KCNU1: variants seen among roughly 807,000 people sequenced by gnomAD.
The protein encoded by KCNU1 is potassium calcium-activated channel subfamily U member 1, also known as potassium channel subfamily U member 1.
In KCNU1, 93 loss-of-function variants were observed where a neutral mutation model predicts 126.8. The observed-to-expected ratio is 0.73, with a 90% CI of 0.62 to 0.87. KCNU1 has a LOEUF of 0.87. Ranked by LOEUF, KCNU1 falls within the 40% of genes least tolerant of loss-of-function variation. The pLI is 0.00. For synonymous variants in KCNU1, 523 were observed against 494.2 expected, an observed-to-expected ratio of 1.06 and a Z score of -0.77; for missense variants, 1,330 against 1,367.1, an observed-to-expected ratio of 0.97 and a Z score of 0.43.
chr8:36,902,132 A>G (rs1024075384), intron 19 of KCNU1, among the ~76,000 whole-genome samples: 3 of 152,146 alleles, frequency 2.0e-5, no homozygotes, highest in Non-Finnish European at 4.4e-5. Flanking sequence ...AGGACACCAG[A>G]TGGATGCCTT....
At chr8:36,896,717 A>G (rs1341656476) in intron 19 of KCNU1, among the ~76,000 whole-genome samples, 1 of 152,000 alleles carries the variant, frequency 6.6e-6, no homozygotes, top group African/African-American at 2.4e-5. Flanking sequence ...CATGCAGTTT[A>G]TTTTCTTTTT....
intron 18 of KCNU1, among the ~76,000 whole-genome samples, chr8:36,858,123 T>A (rs1471439688): frequency 6.6e-6 from 1 of 151,270 alleles, no homozygotes; most frequent in African/African-American, 2.4e-5. Context: ...TAACATTATC[T>A]TCTGTGAATC....
chr8:36,848,699 T>C (rs1805237287), intron 18 of KCNU1, among the ~76,000 whole-genome samples: 1 of 152,204 alleles, frequency 6.6e-6, no homozygotes, highest in African/African-American at 2.4e-5. Context: ...GTACAGACAC[T>C]GTCGTGTTTC....
chr8:36,884,498 G>A (rs1271356277), intron 19 of KCNU1, among the ~76,000 whole-genome samples: 1 of 152,206 alleles, frequency 6.6e-6, no homozygotes, highest in African/African-American at 2.4e-5. Flanking sequence ...CACTTTGGGA[G>A]TCTGAGGTGG....
intron 2 of KCNU1, among the ~76,000 whole-genome samples, chr8:36,802,670 C>T (rs983552242): frequency 6.6e-6 from 1 of 152,154 alleles, no homozygotes; most frequent in African/African-American, 2.4e-5. Flanking sequence ...AAGGGAACCG[C>T]AAATGGGATG....
intron 22 of KCNU1, among the ~76,000 whole-genome samples, chr8:36,914,154 A>G (rs1056281835): frequency 9.2e-5 from 14 of 152,312 alleles, no homozygotes; most frequent in African/African-American, 3.1e-4. Flanking sequence ...TGAAATTATA[A>G]AGGATCATGA....
At position 36,787,376 on chromosome 8, in the gene KCNU1, A is replaced by C. The variant is rs1377201702; in HGVS notation, c.266A>C (p.Asp89Ala). 1 of 1,612,656 alleles carries C rather than the reference A, an allele frequency of 6.2e-7. No individual in the cohort carries two copies. Among genetic ancestry groups the C allele is most frequent in the Non-Finnish European group, 8.5e-7 (1 of 1,179,156 alleles). The change falls in exon 2 of 27, where the codon GAT becomes GCT. Residue 89 changes from aspartate (D) to alanine (A), a missense_variant. Physicochemically the swap from Asp to Ala is moderately radical, Grantham distance 126. This residue lies in a region of KCNU1 where 247 missense variants were observed against 255.4 expected (regional missense o/e 0.97). Transcript: ENST00000399881. Reference sequence around the variant, plus strand: ...CTCCACTTCCAGGGACAATTTCGTGATCATATAGAAATGTTGCTTTCAGCC... The same window carrying C: ...CTCCACTTCCAGGGACAATTTCGTGCTCATATAGAAATGTTGCTTTCAGCC... The part of the protein sequence containing the change: ...RSLHFQGQFR[D>A]HIEMLLSAQT...
rs532793244 is a variant in KCNU1 at position 36,835,348 on chromosome 8, C to CTTTTCTTTTCT, written c.1295+484_1295+485insCTTTTCTTTTT. ...TAAGTATTCTCTTTTCTTTTCTTTT[C>CTTTTCTTTTCT]TTTTTTTTTTTTTGAGACGGAGTTT... On this transcript the variant is annotated intron_variant, in intron 12 of 26. Transcript: ENST00000399881. Among the ~76,000 whole-genome samples the CTTTTCTTTTCT allele has an allele frequency of 5.6e-5, 8 of 141,694 alleles. No individual in the cohort carries two copies. In the East Asian group the frequency reaches 1.6e-3, roughly 29 times the overall value. 93.0% of individuals were successfully genotyped at this position (141,694 alleles called of 152,430 possible).
intron 23 of KCNU1, among the ~76,000 whole-genome samples, chr8:36,919,797 T>C (rs1430364245): frequency 2.0e-5 from 3 of 152,222 alleles, no homozygotes; most frequent in African/African-American, 7.2e-5. Context: ...ATGAGCAAGA[T>C]TACCAAAACC....
At chr8:36,873,195 A>G (rs2117370982) in intron 19 of KCNU1, among the ~76,000 whole-genome samples, 1 of 152,248 alleles carries the variant, frequency 6.6e-6, no homozygotes. Context: ...ACCCTGTCTC[A>G]TTCTCCCCAG....
chr8:36,887,542 A>G (rs1383611831), intron 19 of KCNU1, among the ~76,000 whole-genome samples: 1 of 150,348 alleles, frequency 6.7e-6, no homozygotes, highest in African/African-American at 2.4e-5. Context: ...GCATGAAGGC[A>G]TGTAAGAGTG....
At chr8:36,801,252 A>C (rs908080454) in intron 2 of KCNU1, among the ~76,000 whole-genome samples, 1 of 152,136 alleles carries the variant, frequency 6.6e-6, no homozygotes, top group Admixed American at 6.5e-5. Context: ...TCAGTTAAGG[A>C]GTTTTGAATT....
chr8:36,800,699 C>T (rs1408528151), intron 2 of KCNU1, among the ~76,000 whole-genome samples: 1 of 152,346 alleles, frequency 6.6e-6, no homozygotes, highest in Admixed American at 6.5e-5. Context: ...AAATGTACAG[C>T]TCTTCTCAGA....
chr8:36,872,785 G>A (rs1806149164), intron 19 of KCNU1, among the ~76,000 whole-genome samples: 1 of 152,174 alleles, frequency 6.6e-6, no homozygotes, highest in Non-Finnish European at 1.5e-5. Flanking sequence ...AACAGTTTGA[G>A]TAGGTAAGAC....
chr8:36,910,475 A>C (rs1223761976), intron 21 of KCNU1, among the ~76,000 whole-genome samples: 3 of 152,160 alleles, frequency 2.0e-5, no homozygotes, highest in African/African-American at 7.2e-5. Flanking sequence ...TTTTCCACCA[A>C]AGAAAGAAGC....
intron 19 of KCNU1, among the ~76,000 whole-genome samples, chr8:36,874,728 T>C (rs1806219075): frequency 6.6e-6 from 1 of 152,218 alleles, no homozygotes; most frequent in African/African-American, 2.4e-5. Context: ...TATTATTGGC[T>C]TTCGTACAAT....
intron 4 of KCNU1, 129 bp from the exon 5 acceptor site, chr8:36,806,140 G>A: frequency 1.7e-6 from 1 of 594,136 alleles, no homozygotes; most frequent in East Asian, 3.0e-5. Context: ...ATGTGTCTGT[G>A]TATATGTAAA....
Position 36,817,776 on chromosome 8 carries a change from TG to T in KCNU1, c.1106+18del. On this transcript the variant is annotated intron_variant, in intron 10 of 26. Coordinates refer to ENST00000399881, the MANE Select transcript of KCNU1 (RefSeq NM_001031836.3). ...TCCTGGGAGAGTAAGTATATCTGTA[TG>T]GCTCATGGGTTCTAAATTAATACTT... 1 of 1,255,748 alleles carries T rather than the reference TG, an allele frequency of 8.0e-7. No homozygotes were observed. The highest frequency in any genetic ancestry group is 1.2e-6 in the Non-Finnish European group (1 of 852,698). 77.8% of individuals were successfully genotyped at this position (1,255,748 alleles called of 1,614,324 possible). A position where few individuals can be genotyped will look rare whatever the true frequency, so the allele number is the denominator to read the frequency against.
chr8:36,877,384 C>T (rs752078033), intron 19 of KCNU1, among the ~76,000 whole-genome samples: 52 of 151,364 alleles, frequency 3.4e-4, no homozygotes, highest in Non-Finnish European at 1.9e-4. Flanking sequence ...CTCACTGCAA[C>T]CTCTGCCTCC....
Sources: gnomAD v4.1 joint callset for allele counts (sites outside exome capture counted in the v4.1 genomes callset) on GRCh38, gnomAD v4.1.1 for gene constraint, gnomAD v4.1.1 regional missense constraint, MANE v1.5 for transcripts, NCBI Gene and HGNC (gene_info 2026-07-23, HGNC 2026-07-21) for gene names.